The following RNF14 variants were observed in gnomAD, a reference collection of about 807,000 sequenced individuals.
The protein encoded by RNF14 is E3 ubiquitin-protein ligase RNF14.
Under a neutral mutation model 52.6 loss-of-function variants are expected in RNF14, and 26 were observed. The observed-to-expected ratio is 0.49, with a 90% CI of 0.36 to 0.69. The LOEUF (loss-of-function observed/expected upper bound fraction) is 0.69. Ranked by LOEUF, RNF14 falls within the 30% of genes least tolerant of loss-of-function variation. RNF14 has a pLI of 0.00. For missense variants in RNF14, 404 were observed against 560.4 expected (o/e 0.72, Z 2.82); for synonymous variants, 194 against 202.0 (o/e 0.96, Z 0.34).
upstream of RNF14, chr5:141,957,028 G>A (rs1185594585): frequency 6.2e-7 from 1 of 1,614,172 alleles, no homozygotes; most frequent in Admixed American, 1.7e-5. The surrounding 1 kb of genome is among the most constrained non-coding windows in gnomAD (Gnocchi z 4.3). Flanking sequence ...CTCCCCATTG[G>A]GGCCTTGGTC....
the RNF14 span, chr5:141,951,641 C>A: frequency 7.6e-7 from 1 of 1,309,884 alleles, no homozygotes; most frequent in East Asian, 2.3e-5. Flanking sequence ...ACTCAGCACA[C>A]TTCCTCGCCG....
chr5:141,955,814 G>T (rs753144260), upstream of RNF14: 3 of 1,613,906 alleles, frequency 1.9e-6, no homozygotes, highest in Non-Finnish European at 2.5e-6. The surrounding 1 kb of genome is among the most constrained non-coding windows in gnomAD (Gnocchi z 5.5). Flanking sequence ...GGGCTTCCCT[G>T]GTCCTCTACT....
intron 7 of RNF14, 126 bp downstream of exon 7, chr5:141,983,678 G>A (rs549032482): frequency 4.0e-5 from 30 of 752,980 alleles, no homozygotes; most frequent in Middle Eastern, 4.0e-4. Flanking sequence ...ACCTTCTTAC[G>A]TGGAAGGTGG....
rs779446352 is a variant in RNF14 at position 141,984,827 on chromosome 5, A to G, written c.1261A>G (p.Thr421Ala). Reference sequence around the variant, plus strand: ...GAAATTAGACGGATGTAACAAGATGACATGTACTGGCTGTATGCAATATTT... The same window carrying G: ...GAAATTAGACGGATGTAACAAGATGGCATGTACTGGCTGTATGCAATATTT... The part of the protein sequence containing the change: ...IEKLDGCNKM[T>A]CTGCMQYFCW... The change falls in exon 8 of 9, where the codon ACA becomes GCA. Residue 421 changes from threonine to alanine, a missense_variant. Physicochemically the swap from Thr to Ala is moderately conservative, Grantham distance 58 (BLOSUM62 0). Coordinates refer to ENST00000394520, the MANE Select transcript of RNF14 (RefSeq NM_004290.5). The G allele has an allele frequency of 4.5e-5, 72 of 1,613,690 alleles. No individual in the cohort carries two copies. Among genetic ancestry groups the G allele is most frequent in the Non-Finnish European group, 5.7e-5 (67 of 1,179,734 alleles).
upstream of RNF14, chr5:141,956,605 G>A (rs1753188515): frequency 1.9e-6 from 3 of 1,614,102 alleles, no homozygotes; most frequent in Non-Finnish European, 2.5e-6. Context: ...GTCCAGTGTG[G>A]CATTGGTTAG....
At chr5:141,977,519 C>T (rs1162013308) in intron 4 of RNF14, among the ~76,000 whole-genome samples, 2 of 152,190 alleles carry the variant, frequency 1.3e-5, no homozygotes, top group African/African-American at 4.8e-5. Context: ...ATGGAAAATT[C>T]TCCAACATTT....
chr5:141,957,412 C>T, upstream of RNF14: 1 of 1,613,236 alleles, frequency 6.2e-7, no homozygotes, highest in Non-Finnish European at 8.5e-7. The surrounding 1 kb of genome is among the most constrained non-coding windows in gnomAD (Gnocchi z 4.3). Flanking sequence ...CAGAGAGGCG[C>T]TCTCAGAGAT....
In RNF14 at chr5:141,980,283, G is replaced by A. The variant is rs1156477426; in HGVS notation, c.995G>A (p.Cys332Tyr). 2 of 1,614,228 alleles carry A rather than the reference G, an allele frequency of 1.2e-6. No individual in the cohort carries two copies. The highest frequency in any genetic ancestry group is 1.7e-6 in the Non-Finnish European group (2 of 1,180,032). ...TGCACCATGGGTATCTGCTCCAGCT[G>A]CAATTTTGCCTTCTGTACTTTGTGC... ...PGCTMGICSS[C>Y]NFAFCTLCRL... The change falls in exon 6 of 9, where the codon TGC (cysteine) becomes TAC (tyrosine). Residue 332 changes from cysteine (C) to tyrosine (Y), a missense_variant. By Grantham distance (194) the Cys-to-Tyr change is radical. Coordinates refer to ENST00000394520, the MANE Select transcript of RNF14 (RefSeq NM_004290.5).
intron 2 of RNF14, among the ~76,000 whole-genome samples, chr5:141,972,603 T>G (rs1753878871): frequency 6.6e-6 from 1 of 152,080 alleles, no homozygotes; most frequent in Non-Finnish European, 1.5e-5. Context: ...ACTTTTTTGT[T>G]TTTTTGAGAC....
Position 141,987,837 on chromosome 5 carries a change from T to C in RNF14, c.*47T>C. 2 of 1,548,952 alleles carry C rather than the reference T, an allele frequency of 1.3e-6. No homozygotes were observed. Among genetic ancestry groups the C allele is most frequent in the South Asian group, 1.1e-5 (1 of 89,724 alleles). On this transcript the variant is annotated 3_prime_UTR_variant, in exon 9 of 9. Coordinates refer to ENST00000394520, the MANE Select transcript of RNF14 (RefSeq NM_004290.5). ...GAAGTGGATTGTTTTTCCCTAATCT[T>C]CCGTCAAGTACACAAAGTAACTTTG...
upstream of RNF14, chr5:141,957,631 G>A (rs755839229): frequency 5.0e-5 from 81 of 1,614,164 alleles, no homozygotes; most frequent in Middle Eastern, 8.2e-4. The surrounding 1 kb of genome is among the most constrained non-coding windows in gnomAD (Gnocchi z 4.3). Context: ...AATGGGGAGC[G>A]CCTGAGGCAG....
chr5:141,968,641 G>C (rs567855299), upstream of RNF14, among the ~76,000 whole-genome samples: 17 of 152,284 alleles, frequency 1.1e-4, no homozygotes, highest in Middle Eastern at 6.8e-3. Context: ...AATTTACGTA[G>C]AGCATTTATC....
In RNF14 at chr5:141,989,274, A is replaced by G. The variant is rs2127075257; in HGVS notation, c.*1484A>G. On this transcript the variant is annotated 3_prime_UTR_variant, in exon 9 of 9. Coordinates refer to ENST00000394520, the MANE Select transcript of RNF14 (RefSeq NM_004290.5). ...GCATATAACATATTCTTAAAGTAAG[A>G]AAAAAAAGGTCACAGAATAGCATCT... 6.6e-6 allele frequency: 1 copy of G among 152,314 alleles called. No individual in the cohort carries two copies. The highest frequency in any genetic ancestry group is 2.1e-4 in the South Asian group (1 of 4,820). The allele number at this position is 152,314 out of a possible 1,614,324, so 9.4% of individuals were successfully genotyped here.
chr5:141,962,780 A>C (rs1753285243), upstream of RNF14, among the ~76,000 whole-genome samples: 1 of 152,210 alleles, frequency 6.6e-6, no homozygotes, highest in African/African-American at 2.4e-5. Context: ...CATGGACCCA[A>C]AACTGGACCA....
chr5:141,964,892 G>A (rs186508421), upstream of RNF14, among the ~76,000 whole-genome samples: 1 of 151,902 alleles, frequency 6.6e-6, no homozygotes, highest in East Asian at 1.9e-4. Context: ...CTCCCAAAGG[G>A]CTGGGATAAC....
chr5:141,960,123 C>G (rs1450220696), intron 1 of RNF14, among the ~76,000 whole-genome samples: 1 of 152,178 alleles, frequency 6.6e-6, no homozygotes, highest in Non-Finnish European at 1.5e-5. Context: ...GCCTAAGCTA[C>G]TAGGAGCCCC....
chr5:141,975,050 T>C (rs993468030), intron 4 of RNF14, 95 bp downstream of exon 4: 3 of 1,328,524 alleles, frequency 2.3e-6, no homozygotes, highest in Non-Finnish European at 3.1e-6. Context: ...ATTCAGTGCA[T>C]GAAAAACAAA....
At chr5:141,961,812 G>A (rs1321825998) in intron 1 of RNF14, among the ~76,000 whole-genome samples, 4 of 152,160 alleles carry the variant, frequency 2.6e-5, no homozygotes, top group Non-Finnish European at 5.9e-5. Flanking sequence ...GGTCAGACTA[G>A]TAAGGTGTGA....
At chr5:141,955,690 C>A, upstream of RNF14, 2 of 1,614,146 alleles carry the variant, frequency 1.2e-6, no homozygotes, top group Middle Eastern at 3.3e-4. The surrounding 1 kb of genome is among the most constrained non-coding windows in gnomAD (Gnocchi z 5.5). Flanking sequence ...TACAGCCAGG[C>A]AGATCACCGT....
Sources: gnomAD v4.1 joint callset for allele counts (sites outside exome capture counted in the v4.1 genomes callset) on GRCh38, gnomAD v4.1.1 for gene constraint, Gnocchi (gnomAD v3.1) non-coding constraint, MANE v1.5 for transcripts, NCBI Gene and HGNC (gene_info 2026-07-23, HGNC 2026-07-21) for gene names.